Variants in COX16 observed in about 807,000 individuals in gnomAD.
COX16 encodes the protein cytochrome c oxidase assembly protein COX16 homolog, mitochondrial.
In COX16, 12 loss-of-function variants were observed where a neutral mutation model predicts 15.4. That is an observed-to-expected ratio of 0.78 (90% CI 0.50 to 1.26). COX16 has a LOEUF of 1.26. Ranked by LOEUF, COX16 falls within the 50% of genes most tolerant of loss-of-function variation. COX16 has a pLI of 0.00. For missense variants in COX16, 124 were observed against 127.6 expected (o/e 0.97, Z 0.14); for synonymous variants, 46 against 41.1 (o/e 1.12, Z -0.46).
chr14:70,341,904 T>C (rs893461220), intron 2 of COX16, among the ~76,000 whole-genome samples: 2 of 152,168 alleles, frequency 1.3e-5, no homozygotes, highest in African/African-American at 4.8e-5. Flanking sequence ...TACTACAAAG[T>C]AGATACTATA....
intron 2 of COX16, among the ~76,000 whole-genome samples, chr14:70,330,131 T>C (rs533547805): frequency 6.6e-6 from 1 of 151,998 alleles, no homozygotes; most frequent in African/African-American, 2.4e-5. Context: ...ACAAAAACAT[T>C]TTTAATCAAA....
At chr14:70,347,659 T>C (rs1178332434) in intron 1 of COX16, among the ~76,000 whole-genome samples, 2 of 152,050 alleles carry the variant, frequency 1.3e-5, no homozygotes, top group East Asian at 3.9e-4. Context: ...ATCTCTCTCT[T>C]TTAAACTTCT....
At chr14:70,350,087 G>T (rs1030230751) in intron 1 of COX16, among the ~76,000 whole-genome samples, 1 of 152,144 alleles carries the variant, frequency 6.6e-6, no homozygotes, top group African/African-American at 2.4e-5. Flanking sequence ...TAACCAAATA[G>T]ACAGGAATGT....
At chr14:70,343,434 TA>T (rs1326876052) in intron 1 of COX16, among the ~76,000 whole-genome samples, 1 of 152,234 alleles carries the variant, frequency 6.6e-6, no homozygotes, top group Non-Finnish European at 1.5e-5. Context: ...GTACTATGAT[TA>T]CACAAGGTAA....
chr14:70,331,198 G>A (rs1172342266), intron 2 of COX16, among the ~76,000 whole-genome samples: 1 of 152,054 alleles, frequency 6.6e-6, no homozygotes, highest in Non-Finnish European at 1.5e-5. Context: ...AGTAGAGACG[G>A]GGTTTCACCA....
chr14:70,331,613 T>TA (rs1337146985), intron 2 of COX16, among the ~76,000 whole-genome samples: 4 of 152,152 alleles, frequency 2.6e-5, no homozygotes, highest in Non-Finnish European at 5.9e-5. Flanking sequence ...AGAATGATTT[T>TA]AAAAAACAAA....
At chr14:70,346,297 C>A (rs1042130581) in intron 1 of COX16, among the ~76,000 whole-genome samples, 1 of 152,160 alleles carries the variant, frequency 6.6e-6, no homozygotes, top group Non-Finnish European at 1.5e-5. Flanking sequence ...CAAAAACAGG[C>A]GGAGTTTCAA....
At chr14:70,349,232 G>T (rs1168819064) in intron 1 of COX16, among the ~76,000 whole-genome samples, 1 of 152,042 alleles carries the variant, frequency 6.6e-6, no homozygotes, top group Admixed American at 6.6e-5. Flanking sequence ...TCACCCCAGG[G>T]CTCCCTCCGG....
intron 1 of COX16, among the ~76,000 whole-genome samples, chr14:70,346,459 C>G (rs754284341): frequency 7.2e-5 from 11 of 152,160 alleles, no homozygotes; most frequent in Non-Finnish European, 1.3e-4. Context: ...GTAAGCCCAC[C>G]AGGCCATGCC....
intron 1 of COX16, among the ~76,000 whole-genome samples, chr14:70,347,247 C>G (rs1207840783): frequency 6.6e-6 from 1 of 152,158 alleles, no homozygotes; most frequent in Non-Finnish European, 1.5e-5. Flanking sequence ...GTTTAAAAGC[C>G]AGATGGAACT....
intron 2 of COX16, among the ~76,000 whole-genome samples, chr14:70,341,212 C>G (rs1188296573): frequency 6.6e-6 from 1 of 152,054 alleles, no homozygotes; most frequent in East Asian, 1.9e-4. Flanking sequence ...TTGAAAGTTG[C>G]TAACTGAAAA....
At chr14:70,356,207 C>T (rs951970306) in intron 1 of COX16, among the ~76,000 whole-genome samples, 5 of 98,130 alleles carry the variant, frequency 5.1e-5, no homozygotes, top group East Asian at 2.7e-4. Context: ...CAGATGGTGG[C>T]GGGGGTGGGG....
In COX16 at chr14:70,359,591, T is replaced by C; in HGVS notation, c.-4A>G. On this transcript the variant is annotated 5_prime_UTR_variant, in exon 1 of 4. Transcript: ENST00000389912. ...GCATCACCGCGGGTGCAAACATGAG[T>C]GAACTCTTCCATCGGCTCAGAACTC... The C allele has an allele frequency of 6.2e-7, 1 of 1,613,868 alleles. No individual in the cohort carries two copies. Among genetic ancestry groups the C allele is most frequent in the Non-Finnish European group, 8.5e-7 (1 of 1,179,862 alleles).
At chr14:70,358,179 G>A (rs1021153565) in intron 1 of COX16, among the ~76,000 whole-genome samples, 1 of 152,076 alleles carries the variant, frequency 6.6e-6, no homozygotes, top group African/African-American at 2.4e-5. Context: ...AAATTTACGG[G>A]TAGAAGTAGA....
At chr14:70,357,329 T>C (rs1197804050) in intron 1 of COX16, among the ~76,000 whole-genome samples, 1 of 152,142 alleles carries the variant, frequency 6.6e-6, no homozygotes, top group Admixed American at 6.5e-5. Flanking sequence ...ACTGTGTACA[T>C]GCCCAGAGCA....
chr14:70,333,991 A>G (rs1886369507), intron 2 of COX16, among the ~76,000 whole-genome samples: 1 of 152,198 alleles, frequency 6.6e-6, no homozygotes, highest in Non-Finnish European at 1.5e-5. Context: ...TGTATCCAGC[A>G]AAGTTATCCT....
At chr14:70,343,910 T>C (rs552261937) in intron 1 of COX16, among the ~76,000 whole-genome samples, 1 of 152,320 alleles carries the variant, frequency 6.6e-6, no homozygotes, top group East Asian at 1.9e-4. Context: ...TTATTATTAC[T>C]CAAATCAGTC....
chr14:70,341,874 T>C (rs1886633672), intron 2 of COX16, among the ~76,000 whole-genome samples: 1 of 152,186 alleles, frequency 6.6e-6, no homozygotes, highest in African/African-American at 2.4e-5. Flanking sequence ...AGTGTGTGTG[T>C]GTATGAACTA....
chr14:70,332,382 T>G (rs962847413), intron 2 of COX16, among the ~76,000 whole-genome samples: 2 of 152,034 alleles, frequency 1.3e-5, no homozygotes, highest in African/African-American at 4.8e-5. Context: ...GCAGCCCCTC[T>G]TGCTGTAGTT....
Sources: gnomAD v4.1 joint callset for allele counts (sites outside exome capture counted in the v4.1 genomes callset) on GRCh38, gnomAD v4.1.1 for gene constraint, MANE v1.5 for transcripts, NCBI Gene and HGNC (gene_info 2026-07-23, HGNC 2026-07-21) for gene names.